Variants in PCDHA10 observed in about 807,000 individuals in gnomAD.
PCDHA10 encodes the protein protocadherin alpha-10.
Under a neutral mutation model 61.2 loss-of-function variants are expected in PCDHA10, and 45 were observed. The ratio of observed to expected loss-of-function variants is 0.74; its 90% CI spans 0.58 to 0.94. The LOEUF (loss-of-function observed/expected upper bound fraction) is 0.94, where lower values mean the gene tolerates loss of function less well. Ranked by LOEUF, PCDHA10 falls within the 40% of genes least tolerant of loss-of-function variation. The pLI, the probability that PCDHA10 is intolerant of heterozygous loss-of-function variation, is 0.00. For synonymous variants in PCDHA10, 602 were observed against 548.8 expected (o/e 1.10, Z -1.35); for missense variants, 1,278 against 1,236.2 (o/e 1.03, Z -0.51).
At chr5:140,882,551 C>A in intron 1 of PCDHA10, 1 of 1,614,216 alleles carries the variant, frequency 6.2e-7, no homozygotes, top group Non-Finnish European at 8.5e-7. Flanking sequence ...CCGCGAGGAG[C>A]TGTGTGGGCG....
At chr5:140,893,898 C>T (rs2064223960) in intron 1 of PCDHA10, among the ~76,000 whole-genome samples, 9 of 152,114 alleles carry the variant, frequency 5.9e-5, no homozygotes, top group Admixed American at 5.2e-4. Flanking sequence ...GTTACTTTAC[C>T]TTCTGAATTT....
At chr5:140,955,460 C>G (rs1051253944) in intron 1 of PCDHA10, among the ~76,000 whole-genome samples, 2 of 152,000 alleles carry the variant, frequency 1.3e-5, no homozygotes, top group Non-Finnish European at 2.9e-5. Flanking sequence ...GGGCTTTTTC[C>G]TTTTTGCTTG....
intron 1 of PCDHA10, among the ~76,000 whole-genome samples, chr5:140,962,688 G>C (rs1433931568): frequency 2.0e-5 from 3 of 152,164 alleles, no homozygotes; most frequent in African/African-American, 7.2e-5. Context: ...TGTTTTATCT[G>C]TAAATAATGC....
chr5:140,950,435 A>T (rs2094483371), intron 1 of PCDHA10, among the ~76,000 whole-genome samples: 1 of 152,038 alleles, frequency 6.6e-6, no homozygotes, highest in Non-Finnish European at 1.5e-5. Flanking sequence ...CACTTAAAAA[A>T]AATGTTATTC....
chr5:140,928,892 T>C, intron 1 of PCDHA10: 1 of 1,614,198 alleles, frequency 6.2e-7, no homozygotes, highest in Non-Finnish European at 8.5e-7. Flanking sequence ...CTTCCAGACT[T>C]TGAAGATGTC....
chr5:140,991,445 A>G (rs1352709310), intron 3 of PCDHA10, among the ~76,000 whole-genome samples: 1 of 152,222 alleles, frequency 6.6e-6, no homozygotes, highest in African/African-American at 2.4e-5. Flanking sequence ...CATGGCTTAA[A>G]ACAACACAAT....
chr5:140,971,652 G>A (rs1554233517), intron 1 of PCDHA10, among the ~76,000 whole-genome samples: 1 of 152,134 alleles, frequency 6.6e-6, no homozygotes, highest in African/African-American at 2.4e-5. Context: ...ATTAAAAGTA[G>A]ATGGGAATTA....
intron 3 of PCDHA10, among the ~76,000 whole-genome samples, chr5:140,987,107 G>C (rs936936352): frequency 2.0e-5 from 3 of 151,876 alleles, no homozygotes; most frequent in Admixed American, 6.6e-5. Context: ...CCAGCTACTC[G>C]GGAGGCTGAG....
chr5:140,969,066 G>A (rs2096292938), intron 1 of PCDHA10: 2 of 1,614,144 alleles, frequency 1.2e-6, no homozygotes, highest in Admixed American at 3.3e-5. Context: ...ATTGATGCCA[G>A]GATACCGCAT....
At chr5:140,877,614 G>A (rs2153354451) in intron 1 of PCDHA10, 3 of 1,613,850 alleles carry the variant, frequency 1.9e-6, no homozygotes, top group Middle Eastern at 3.3e-4. Context: ...TGGTGCTCAC[G>A]CTGCTGCTGT....
At chr5:140,918,823 C>T (rs2078875594) in intron 1 of PCDHA10, among the ~76,000 whole-genome samples, 2 of 11,382 alleles carry the variant, frequency 1.8e-4, no homozygotes, top group African/African-American at 5.2e-3. Context: ...AAAAAGTGGC[C>T]CCCTCCCCAG....
At position 140,937,140 on chromosome 5, in the gene PCDHA10, C is replaced by T. The variant is rs553273845; in HGVS notation, c.2389-41809C>T. Among the ~76,000 whole-genome samples, 820 of 151,358 alleles carry T rather than the reference C, an allele frequency of 5.4e-3. 1 individual carries two copies. The highest frequency in any genetic ancestry group is 0.019 in the African/African-American group (789 of 41,228). On this transcript the variant is annotated intron_variant, in intron 1 of 3. Transcript: ENST00000307360. Reference sequence around the variant, plus strand: ...GCAAGCTCCGCCTCCCGGGTTCATGCCATTCTCCTGCCTCAGCCTCCCGAG... The same window carrying T: ...GCAAGCTCCGCCTCCCGGGTTCATGTCATTCTCCTGCCTCAGCCTCCCGAG...
At chr5:140,966,845 C>A in intron 1 of PCDHA10, 1 of 1,570,444 alleles carries the variant, frequency 6.4e-7, no homozygotes, top group Non-Finnish European at 8.6e-7. Flanking sequence ...GCTGCTACTG[C>A]CTCTCCTGCT....
chr5:140,925,282 T>C (rs1371569064), intron 1 of PCDHA10, among the ~76,000 whole-genome samples: 1 of 152,184 alleles, frequency 6.6e-6, no homozygotes, highest in Admixed American at 6.5e-5. Context: ...GATTTTGCCT[T>C]TCAAATGTTT....
chr5:140,942,122 G>A (rs2093234713), intron 1 of PCDHA10, among the ~76,000 whole-genome samples: 1 of 152,064 alleles, frequency 6.6e-6, no homozygotes, highest in Non-Finnish European at 1.5e-5. Flanking sequence ...TTTATTAAAG[G>A]TGATATTTGT....
chr5:140,980,313 C>G (rs904282752), intron 2 of PCDHA10, among the ~76,000 whole-genome samples: 7 of 152,166 alleles, frequency 4.6e-5, no homozygotes, highest in Admixed American at 3.9e-4. Context: ...GCCTTAAAAA[C>G]TACATTTGAA....
chr5:140,856,574 T>C lies in PCDHA10; in HGVS notation c.526T>C (p.Tyr176His). Residue 176 changes from tyrosine to histidine, a missense_variant, in exon 1 of 4, where the codon TAT becomes CAT. Physicochemically the swap from Tyr to His is moderately conservative, Grantham distance 83. Transcript: ENST00000307360. ...LLTYKLSPNE[Y>H]FVLDIINKKD... ...TACTTACAAACTCAGTCCAAATGAG[T>C]ATTTTGTTCTTGATATTATAAACAA... The C allele has an allele frequency of 6.3e-7, 1 of 1,597,714 alleles. No homozygotes were observed. The highest frequency in any genetic ancestry group is 8.6e-7 in the Non-Finnish European group (1 of 1,167,242).
intron 1 of PCDHA10, among the ~76,000 whole-genome samples, chr5:140,901,586 T>C (rs550614771): frequency 9.2e-5 from 14 of 152,348 alleles, no homozygotes; most frequent in African/African-American, 3.4e-4. Context: ...AGTGCCATGA[T>C]GTTTTGGTTA....
chr5:141,000,415 ATATATATTTTTTT>A (rs1176788591), intron 3 of PCDHA10, among the ~76,000 whole-genome samples: 1 of 87,398 alleles, frequency 1.1e-5, no homozygotes, highest in Non-Finnish European at 2.1e-5. Flanking sequence ...ATATATATAT[ATATATATTTTTTT>A]TTTTTTTTTT....
Sources: allele counts gnomAD v4.1 joint callset (sites outside exome capture counted in the v4.1 genomes callset), GRCh38; gene constraint gnomAD v4.1.1; transcripts MANE v1.5; gene names NCBI Gene and HGNC (gene_info 2026-07-23, HGNC 2026-07-21).